Variants in HSD17B11 observed in about 807,000 individuals in gnomAD.
HSD17B11 encodes estradiol 17-beta-dehydrogenase 11.
A neutral mutation model predicts 27.8 loss-of-function variants in HSD17B11; 22 were observed. The observed-to-expected ratio is 0.79, with a 90% confidence interval of 0.56 to 1.13. The LOEUF is 1.13. HSD17B11 is among the 50% of genes most tolerant of loss of function. HSD17B11 has a pLI of 0.00. For missense variants in HSD17B11, 314 were observed against 351.1 expected, an observed-to-expected ratio of 0.89 and a Z score of 0.84; for synonymous variants, 117 against 132.8, an observed-to-expected ratio of 0.88 and a Z score of 0.82.
At chr4:87,385,172 T>C (rs1210445430) in intron 1 of HSD17B11, among the ~76,000 whole-genome samples, 3 of 152,180 alleles carry the variant, frequency 2.0e-5, no homozygotes, top group African/African-American at 7.2e-5. Flanking sequence ...TGCTCTCCTA[T>C]ACTTAACCAG....
At chr4:87,380,536 A>G (rs1443783963) in intron 2 of HSD17B11, among the ~76,000 whole-genome samples, 1 of 151,758 alleles carries the variant, frequency 6.6e-6, no homozygotes, top group Non-Finnish European at 1.5e-5. Flanking sequence ...TGATACTAAA[A>G]TGGCCACCTC....
intron 3 of HSD17B11, among the ~76,000 whole-genome samples, chr4:87,373,576 G>A (rs1451712833): frequency 6.6e-6 from 1 of 151,926 alleles, no homozygotes; most frequent in Non-Finnish European, 1.5e-5. Flanking sequence ...TGGGCATGGT[G>A]GTGTACTCCT....
At chr4:87,355,725 G>A (rs529206002) in intron 5 of HSD17B11, among the ~76,000 whole-genome samples, 58 of 152,196 alleles carry the variant, frequency 3.8e-4, no homozygotes, top group African/African-American at 1.4e-3. Flanking sequence ...CCAACGTGGC[G>A]AAACCCCATC....
intron 5 of HSD17B11, among the ~76,000 whole-genome samples, chr4:87,342,336 C>G (rs976185007): frequency 5.3e-5 from 8 of 149,630 alleles, no homozygotes; most frequent in Non-Finnish European, 1.0e-4. Flanking sequence ...GACCCAAGAT[C>G]GTGCCACTGC....
chr4:87,362,110 G>C (rs1735528106), intron 4 of HSD17B11, among the ~76,000 whole-genome samples: 2 of 152,236 alleles, frequency 1.3e-5, no homozygotes, highest in African/African-American at 4.8e-5. Context: ...GCCCAACTTA[G>C]GGGAGTTAGA....
At chr4:87,361,725 C>A (rs1735520454) in intron 4 of HSD17B11, among the ~76,000 whole-genome samples, 1 of 152,176 alleles carries the variant, frequency 6.6e-6, no homozygotes, top group Non-Finnish European at 1.5e-5. Context: ...TGAGATCGCG[C>A]CGCTGCACTC....
intron 4 of HSD17B11, among the ~76,000 whole-genome samples, chr4:87,363,130 A>AT (rs1420983441): frequency 6.6e-6 from 1 of 151,498 alleles, no homozygotes; most frequent in Non-Finnish European, 1.5e-5. Flanking sequence ...GAAAAAAAAA[A>AT]TTTTTTTCCT....
At chr4:87,369,870 ATTGT>A (rs1735677163) in intron 4 of HSD17B11, among the ~76,000 whole-genome samples, 1 of 152,212 alleles carries the variant, frequency 6.6e-6, no homozygotes, top group Non-Finnish European at 1.5e-5. Flanking sequence ...TAGCTAGCTA[ATTGT>A]TTTCTTTTAA....
chr4:87,372,627 G>C, intron 4 of HSD17B11, 82 bp downstream of exon 4: 1 of 835,762 alleles, frequency 1.2e-6, no homozygotes, highest in East Asian at 2.5e-5. Flanking sequence ...TGATTATAAA[G>C]AGAGTTCTTA....
intron 5 of HSD17B11, among the ~76,000 whole-genome samples, chr4:87,342,965 G>A (rs985973902): frequency 3.3e-5 from 5 of 152,208 alleles, no homozygotes; most frequent in African/African-American, 9.6e-5. Context: ...GCCTTGAAAA[G>A]CATTTAGAGG....
chr4:87,338,684 T>C (rs1735103831), intron 6 of HSD17B11, among the ~76,000 whole-genome samples: 1 of 152,076 alleles, frequency 6.6e-6, no homozygotes, highest in Non-Finnish European at 1.5e-5. Context: ...TACAGGTGTG[T>C]TCCAACACGC....
intron 1 of HSD17B11, among the ~76,000 whole-genome samples, chr4:87,383,746 C>CTTTT (rs397946047): frequency 2.7e-5 from 3 of 111,638 alleles, no homozygotes; most frequent in Admixed American, 9.6e-5. Context: ...CAATTTTTGC[C>CTTTT]TTTTTTTTTT....
chr4:87,372,241 TCAAAAAAAAA>T (rs1735731163), intron 4 of HSD17B11, among the ~76,000 whole-genome samples: 1 of 48,946 alleles, frequency 2.0e-5, no homozygotes, highest in African/African-American at 1.2e-4. Flanking sequence ...AGACTCCGTC[TCAAAAAAAAA>T]AAAAAAAAAA....
Position 87,390,849 on chromosome 4 carries a change from A to ACC in HSD17B11, c.210+11_210+12insGG. ...AAGGTACCAGAAAGTAAAACATAGT[A>ACC]AACACTGTTACCTTATTTATATCCC... On this transcript the variant is annotated intron_variant, in intron 1 of 6. Transcript: ENST00000358290. 1 of 1,610,668 alleles carries ACC rather than the reference A, an allele frequency of 6.2e-7. No homozygotes were observed. Among genetic ancestry groups the ACC allele is most frequent in the Admixed American group, 1.7e-5 (1 of 60,016 alleles).
At chr4:87,378,903 TAAATATATATATATAAATATATATAA>T (rs1720028810) in intron 2 of HSD17B11, among the ~76,000 whole-genome samples, 3 of 18,998 alleles carry the variant, frequency 1.6e-4, no homozygotes, top group African/African-American at 1.1e-3. Flanking sequence ...TAAATATATA[TAAATATATATATATAAATATATATAA>T]ATATATATAT....
At chr4:87,345,442 A>G (rs143818503) in intron 5 of HSD17B11, among the ~76,000 whole-genome samples, 3 of 152,168 alleles carry the variant, frequency 2.0e-5, no homozygotes, top group African/African-American at 7.2e-5. Context: ...ACCCAAAGCA[A>G]GCAGAAAAAA....
intron 2 of HSD17B11, among the ~76,000 whole-genome samples, chr4:87,380,470 C>CAA (rs759061081): frequency 0.012 from 457 of 38,958 alleles, 7 homozygotes; most frequent in African/African-American, 0.039. Flanking sequence ...AAGACTGTCT[C>CAA]AAAAAAAAAA....
intron 4 of HSD17B11, among the ~76,000 whole-genome samples, chr4:87,364,903 T>A (rs1390679802): frequency 6.6e-6 from 1 of 152,228 alleles, no homozygotes; most frequent in African/African-American, 2.4e-5. Context: ...GCGAGGTGGC[T>A]CATGCCTGTA....
At chr4:87,365,840 A>G (rs949480836) in intron 4 of HSD17B11, 1 of 151,954 alleles carries the variant, frequency 6.6e-6, no homozygotes, top group Non-Finnish European at 1.5e-5. Context: ...TGAAAAAAAA[A>G]AAAAGATTTA....
Sources: allele counts gnomAD v4.1 joint callset (sites outside exome capture counted in the v4.1 genomes callset), GRCh38; gene constraint gnomAD v4.1.1; transcripts MANE v1.5; gene names NCBI Gene and HGNC (gene_info 2026-07-23, HGNC 2026-07-21).